Variants in SMARCC1 observed in about 807,000 individuals in gnomAD.
SMARCC1 encodes the protein SWI/SNF complex subunit SMARCC1.
In SMARCC1, 43 loss-of-function variants were observed where a neutral mutation model predicts 147.4. That is an observed-to-expected ratio of 0.29 (90% CI 0.23 to 0.38). The LOEUF (loss-of-function observed/expected upper bound fraction) is 0.38. Ranked by LOEUF, SMARCC1 falls within the 10% of genes least tolerant of loss-of-function variation. The pLI is 1.00. For synonymous variants in SMARCC1, 495 were observed against 484.4 expected, an observed-to-expected ratio of 1.02 and a Z score of -0.29; for missense variants, 1,119 against 1,381.1, an observed-to-expected ratio of 0.81 and a Z score of 3.01.
At chr3:47,762,162 A>C (rs940337180) in intron 2 of SMARCC1, among the ~76,000 whole-genome samples, 1 of 152,192 alleles carries the variant, frequency 6.6e-6, no homozygotes, top group Admixed American at 6.6e-5. Flanking sequence ...TCAAAGTGAA[A>C]CTTGAAGACA....
chr3:47,614,211 T>G (rs892967599), intron 25 of SMARCC1, among the ~76,000 whole-genome samples: 1 of 152,234 alleles, frequency 6.6e-6, no homozygotes, highest in Non-Finnish European at 1.5e-5. Context: ...TAATTGCATT[T>G]TGCTACTTCC....
chr3:47,594,520 T>A (rs2032238606), intron 26 of SMARCC1, among the ~76,000 whole-genome samples: 1 of 152,110 alleles, frequency 6.6e-6, no homozygotes, highest in South Asian at 2.1e-4. Context: ...ATCTAGGGAC[T>A]GATTCAGGAT....
At chr3:47,638,874 T>C in intron 21 of SMARCC1, 94 bp from the exon 22 acceptor site, 1 of 841,318 alleles carries the variant, frequency 1.2e-6, no homozygotes, top group Non-Finnish European at 2.1e-6. Flanking sequence ...TACAAATATA[T>C]ACAGTAATAC....
chr3:47,598,888 C>CACAG (rs1325994711), intron 26 of SMARCC1, among the ~76,000 whole-genome samples: 8 of 144,920 alleles, frequency 5.5e-5, no homozygotes, highest in African/African-American at 7.7e-5. Context: ...CACACACACA[C>CACAG]AGAGACAAAG....
chr3:47,732,200 T>C (rs540460420), intron 5 of SMARCC1, among the ~76,000 whole-genome samples: 1 of 152,232 alleles, frequency 6.6e-6, no homozygotes, highest in Non-Finnish European at 1.5e-5. Context: ...CAACCTCTGC[T>C]GGCTTCAAAC....
At chr3:47,642,333 T>A (rs545128956) in intron 21 of SMARCC1, among the ~76,000 whole-genome samples, 1 of 152,324 alleles carries the variant, frequency 6.6e-6, no homozygotes, top group South Asian at 2.1e-4. Context: ...CTCGGACCTG[T>A]AATCCCAACA....
At chr3:47,697,504 G>A (rs941929276) in intron 11 of SMARCC1, among the ~76,000 whole-genome samples, 1 of 151,012 alleles carries the variant, frequency 6.6e-6, no homozygotes, top group African/African-American at 2.4e-5. Flanking sequence ...GTTTCAACTT[G>A]TTGGCCAGGC....
intron 21 of SMARCC1, among the ~76,000 whole-genome samples, chr3:47,659,221 T>TA (rs1218825466): frequency 6.8e-6 from 1 of 147,626 alleles, no homozygotes; most frequent in East Asian, 2.0e-4. Flanking sequence ...ACCAAACACT[T>TA]AAAGAATTAA....
chr3:47,588,387 C>T, intron 27 of SMARCC1, 81 bp from the exon 28 acceptor site: 1 of 1,328,316 alleles, frequency 7.5e-7, no homozygotes, highest in Middle Eastern at 1.8e-4. Context: ...GAAAAAAAGA[C>T]ACAGAAGTCC....
intron 16 of SMARCC1, 51 bp downstream of exon 16, chr3:47,678,147 C>T: frequency 9.6e-7 from 1 of 1,042,384 alleles, no homozygotes; most frequent in African/African-American, 1.6e-5. Context: ...AGACAGCATG[C>T]ATAAGTAAAT....
chr3:47,711,362 G>A (rs2034083155), intron 8 of SMARCC1, among the ~76,000 whole-genome samples: 2 of 152,174 alleles, frequency 1.3e-5, no homozygotes, highest in Non-Finnish European at 2.9e-5. Flanking sequence ...GAAAGGTTGT[G>A]TGGACGTACA....
intron 10 of SMARCC1, among the ~76,000 whole-genome samples, chr3:47,705,136 A>T (rs2106791772): frequency 6.6e-6 from 1 of 152,002 alleles, no homozygotes; most frequent in South Asian, 2.1e-4. Context: ...ACCCTGACCA[A>T]CGTGGTGAAA....
At chr3:47,667,135 G>T (rs2033430080) in intron 19 of SMARCC1, among the ~76,000 whole-genome samples, 1 of 152,022 alleles carries the variant, frequency 6.6e-6, no homozygotes, top group African/African-American at 2.4e-5. Context: ...GGCTAACATG[G>T]TGAAACCTCG....
intron 21 of SMARCC1, among the ~76,000 whole-genome samples, chr3:47,647,578 T>C (rs990448142): frequency 2.0e-5 from 3 of 152,192 alleles, no homozygotes; most frequent in African/African-American, 7.2e-5. Flanking sequence ...AACTAAAGCA[T>C]TTCGGGTTCT....
intron 21 of SMARCC1, among the ~76,000 whole-genome samples, chr3:47,645,074 TA>T (rs779837310): frequency 1.3e-5 from 2 of 152,020 alleles, no homozygotes; most frequent in Non-Finnish European, 2.9e-5. Context: ...CACTAGAGAC[TA>T]GGAGTTTGAG....
At chr3:47,772,957 T>C in intron 1 of SMARCC1, 21 bp from the exon 2 acceptor site, 1 of 1,604,908 alleles carries the variant, frequency 6.2e-7, no homozygotes, top group Non-Finnish European at 8.5e-7. Flanking sequence ...AAGACAGGCA[T>C]TCAAAAACTA....
chr3:47,677,684 A>G (rs1050825716), intron 16 of SMARCC1, among the ~76,000 whole-genome samples: 1 of 151,788 alleles, frequency 6.6e-6, no homozygotes, highest in African/African-American at 2.4e-5. Context: ...CTAAGATTAC[A>G]GTCATGTGCC....
chr3:47,721,940 C>T (rs1197807658), intron 6 of SMARCC1, among the ~76,000 whole-genome samples: 2 of 152,128 alleles, frequency 1.3e-5, no homozygotes, highest in Non-Finnish European at 2.9e-5. Context: ...AGATCACGAG[C>T]ATTATAGTTT....
At chr3:47,595,823 C>T (rs1056769132) in intron 26 of SMARCC1, among the ~76,000 whole-genome samples, 1 of 151,380 alleles carries the variant, frequency 6.6e-6, no homozygotes, top group Non-Finnish European at 1.5e-5. Context: ...CAACCTCTGC[C>T]TCCCTGGTTC....
Sources: allele counts gnomAD v4.1 joint callset (sites outside exome capture counted in the v4.1 genomes callset), GRCh38; gene constraint gnomAD v4.1.1; transcripts MANE v1.5; gene names NCBI Gene and HGNC (gene_info 2026-07-23, HGNC 2026-07-21).